Variants in WAPL observed in about 807,000 individuals in gnomAD.
WAPL encodes the protein wings apart-like protein homolog.
Under a neutral mutation model 121.0 loss-of-function variants are expected in WAPL, and 5 were observed. That is an observed-to-expected ratio of 0.04 (90% CI 0.02 to 0.09). WAPL has a LOEUF of 0.09. WAPL is among the 10% of genes least tolerant of loss of function. WAPL has a pLI of 1.00. For missense variants in WAPL, 999 were observed against 1,410.8 expected, an observed-to-expected ratio of 0.71 and a Z score of 4.68; for synonymous variants, 480 against 481.5, an observed-to-expected ratio of 1.00 and a Z score of 0.04.
At chr10:86,449,553 G>A (rs1042693229) in intron 15 of WAPL, among the ~76,000 whole-genome samples, 4 of 152,194 alleles carry the variant, frequency 2.6e-5, no homozygotes, top group African/African-American at 9.7e-5. Flanking sequence ...GATATTCCCA[G>A]GTCAATTAGA....
At chr10:86,479,098 CA>C (rs1286869113) in intron 4 of WAPL, among the ~76,000 whole-genome samples, 1 of 149,150 alleles carries the variant, frequency 6.7e-6, no homozygotes, top group Non-Finnish European at 1.5e-5. Flanking sequence ...CACTCCATCT[CA>C]AAAAAACAAA....
chr10:86,440,448 C>T (rs758653141), intron 17 of WAPL, among the ~76,000 whole-genome samples: 146 of 121,720 alleles, frequency 1.2e-3, no homozygotes, highest in Admixed American at 4.3e-3. Flanking sequence ...CCACCACGCC[C>T]GGCTAATTTT....
intron 4 of WAPL, among the ~76,000 whole-genome samples, chr10:86,494,717 G>A (rs549570690): frequency 2.1e-4 from 32 of 152,210 alleles, no homozygotes; most frequent in African/African-American, 7.0e-4. Flanking sequence ...AGCATGTATG[G>A]GTAAATGCCC....
chr10:86,518,772 A>G (rs568776967), intron 1 of WAPL, among the ~76,000 whole-genome samples: 226 of 152,332 alleles, frequency 1.5e-3, no homozygotes, highest in Non-Finnish European at 2.6e-3. Flanking sequence ...TTGAAATTTC[A>G]TGGCACTAAT....
chr10:86,473,394 T>C (rs1049378674), intron 5 of WAPL, among the ~76,000 whole-genome samples: 1 of 152,198 alleles, frequency 6.6e-6, no homozygotes, highest in African/African-American at 2.4e-5. Flanking sequence ...ATGTATGATA[T>C]TACCAGTCAT....
At chr10:86,474,241 T>A (rs1408857754) in intron 4 of WAPL, among the ~76,000 whole-genome samples, 1 of 152,052 alleles carries the variant, frequency 6.6e-6, no homozygotes. Context: ...AGGCCAGACA[T>A]GGTGGCTCAC....
At chr10:86,458,292 G>T (rs1271526534) in intron 12 of WAPL, among the ~76,000 whole-genome samples, 1 of 152,256 alleles carries the variant, frequency 6.6e-6, no homozygotes, top group Non-Finnish European at 1.5e-5. Context: ...AGAGGTTGCT[G>T]TAATAAGACA....
chr10:86,438,727 C>T (rs1849388365), intron 17 of WAPL, among the ~76,000 whole-genome samples: 1 of 152,166 alleles, frequency 6.6e-6, no homozygotes, highest in African/African-American at 2.4e-5. Context: ...AATTCACATC[C>T]TTCACAGATG....
In WAPL at chr10:86,452,059, A is replaced by T; in HGVS notation, c.3022T>A (p.Ser1008Thr). ...CAGATGGAAGAATCAAAAGAGCACG[A>T]TGTTTCCATGTTGACAAGACAGTGC... is the stretch of plus-strand genomic sequence containing the variant. The part of the protein sequence containing the change: ...NRHCLVNMET[S>T]CSFDSSICSG... Residue 1008 changes from serine (S) to threonine (T), a missense_variant, in exon 15 of 19, where the codon TCG becomes ACG. Physicochemically the swap from Ser to Thr is moderately conservative, Grantham distance 58 (BLOSUM62 1). Coordinates refer to ENST00000298767, the MANE Select transcript of WAPL (RefSeq NM_015045.5). 10 of 1,614,216 alleles carry T rather than the reference A, an allele frequency of 6.2e-6. No individual in the cohort carries two copies. Among genetic ancestry groups the T allele is most frequent in the Non-Finnish European group, 6.8e-6 (8 of 1,180,034 alleles).
At chr10:86,514,507 T>A (rs1842520095) in intron 2 of WAPL, among the ~76,000 whole-genome samples, 1 of 152,210 alleles carries the variant, frequency 6.6e-6, no homozygotes, top group Non-Finnish European at 1.5e-5. Context: ...GGAAGGAAGA[T>A]GGACAAGATG....
intron 4 of WAPL, among the ~76,000 whole-genome samples, chr10:86,493,403 G>C (rs1259538211): frequency 6.6e-6 from 1 of 152,034 alleles, no homozygotes; most frequent in Non-Finnish European, 1.5e-5. Context: ...ATATTATAGA[G>C]AGGGAGAAAG....
chr10:86,484,045 A>T (rs944954061), intron 4 of WAPL, among the ~76,000 whole-genome samples: 4 of 152,088 alleles, frequency 2.6e-5, no homozygotes, highest in East Asian at 1.9e-4. Flanking sequence ...AAGTAAAATT[A>T]AAAATAATTT....
At chr10:86,453,530 T>C (rs1028337693) in intron 13 of WAPL, 126 bp downstream of exon 13, 2 of 1,258,230 alleles carry the variant, frequency 1.6e-6, no homozygotes, top group East Asian at 2.5e-5. Flanking sequence ...AACCTACACA[T>C]GAGTAAGTCA....
chr10:86,520,621 A>G (rs929379279), intron 1 of WAPL, among the ~76,000 whole-genome samples: 4 of 152,180 alleles, frequency 2.6e-5, no homozygotes, highest in Admixed American at 1.3e-4. Flanking sequence ...AAGTGTTTCA[A>G]GTACACAATC....
chr10:86,468,928 C>T (rs959741283), intron 8 of WAPL, among the ~76,000 whole-genome samples: 5 of 151,974 alleles, frequency 3.3e-5, no homozygotes, highest in African/African-American at 1.2e-4. Context: ...TGATGAAACC[C>T]TGTCTCTACT....
chr10:86,438,178 C>G (rs1395214513), intron 17 of WAPL, among the ~76,000 whole-genome samples, 163 bp from the exon 18 acceptor site: 3 of 152,086 alleles, frequency 2.0e-5, no homozygotes, highest in African/African-American at 7.2e-5. Context: ...ATGTGATTTC[C>G]TACCTCACCC....
In WAPL at chr10:86,499,956, A is replaced by G. The variant is rs1461538490; in HGVS notation, c.1287T>C (p.Phe429=). The change falls in exon 3 of 19, where the codon TTT becomes TTC. Residue 429 remains phenylalanine (F), a synonymous_variant. Coordinates refer to ENST00000298767, the MANE Select transcript of WAPL (RefSeq NM_015045.5). The part of the protein sequence containing the change: ...KSKKDVKLEF[F]GFEDHETGGD... ...CTCCTGTCTCATGATCTTCAAAACC[A>G]AAAAATTCAAGTTTAACATCCTTTT... 6.2e-7 allele frequency: 1 copy of G among 1,614,146 alleles called. No individual in the cohort carries two copies. Among genetic ancestry groups the G allele is most frequent in the Admixed American group, 1.7e-5 (1 of 60,008 alleles).
At chr10:86,501,215 G>A (rs79829692) in intron 2 of WAPL, among the ~76,000 whole-genome samples, 4,518 of 152,250 alleles carry the variant, frequency 0.03, 249 homozygotes, top group African/African-American at 0.1. Flanking sequence ...CCAGAAACCT[G>A]TCCATAGGAT....
At chr10:86,443,718 A>C (rs1564560439) in intron 16 of WAPL, 1 of 191,280 alleles carries the variant, frequency 5.2e-6, no homozygotes, top group South Asian at 1.1e-4. Context: ...AACAAAAACA[A>C]CCCAATTAAA....
Sources: gnomAD v4.1 joint callset for allele counts (sites outside exome capture counted in the v4.1 genomes callset) on GRCh38, gnomAD v4.1.1 for gene constraint, MANE v1.5 for transcripts, NCBI Gene and HGNC (gene_info 2026-07-23, HGNC 2026-07-21) for gene names.